MYO9B: variants seen among roughly 807,000 people sequenced by gnomAD.
MYO9B encodes the protein myosin IXB, also known as unconventional myosin-IXb.
MYO9B carries 71 observed loss-of-function variants against 229.5 expected under a neutral mutation model. The observed-to-expected ratio is 0.31, with a 90% CI of 0.26 to 0.38. The LOEUF (loss-of-function observed/expected upper bound fraction) is 0.38, where lower values mean the gene tolerates loss of function less well. Among genes scored for constraint, MYO9B ranks in the 10% least tolerant of loss-of-function variants. MYO9B has a pLI of 1.00. For missense variants in MYO9B, 2,255 were observed against 2,920.5 expected (o/e 0.77, Z 5.25); for synonymous variants, 1,185 against 1,235.8 (o/e 0.96, Z 0.86).
chr19:17,209,725 C>G lies in MYO9B; in HGVS notation c.5748+16C>G. 1.3e-6 allele frequency: 2 copies of G among 1,589,856 alleles called. No individual in the cohort carries two copies. Among genetic ancestry groups the G allele is most frequent in the Non-Finnish European group, 1.7e-6 (2 of 1,164,564 alleles). On this transcript the variant is annotated intron_variant, in intron 36 of 39. Coordinates refer to ENST00000682292, the MANE Select transcript of MYO9B (RefSeq NM_004145.4). ...ACAAAATGCTGTGAGTACCGGTGAT[C>G]GTGGGGGCGGGACCTCTTTGGTGGG... is the stretch of plus-strand genomic sequence containing the variant.
At chr19:17,167,114 C>T (rs1212531496) in intron 10 of MYO9B, among the ~76,000 whole-genome samples, 1 of 149,504 alleles carries the variant, frequency 6.7e-6, no homozygotes, top group Non-Finnish European at 1.5e-5. Flanking sequence ...GTTGAACATC[C>T]CAAATCTGAA....
chr19:17,133,150 T>G (rs1279288454), intron 2 of MYO9B, among the ~76,000 whole-genome samples: 2 of 152,142 alleles, frequency 1.3e-5, no homozygotes, highest in Admixed American at 1.3e-4. Context: ...CCGGCCTATT[T>G]TATTTCTAAT....
At chr19:17,132,178 C>CTTTTTTTTTTTTTTTT (rs60927116) in intron 2 of MYO9B, among the ~76,000 whole-genome samples, 6 of 78,424 alleles carry the variant, frequency 7.7e-5, no homozygotes, top group African/African-American at 1.1e-4. Context: ...TATTTTATTT[C>CTTTTTTTTTTTTTTTT]TTTTTTTTTT....
intron 1 of MYO9B, among the ~76,000 whole-genome samples, chr19:17,094,939 T>C (rs917395139): frequency 1.3e-5 from 2 of 150,608 alleles, no homozygotes; most frequent in Non-Finnish European, 3.0e-5. Flanking sequence ...TGAGATCCAG[T>C]CTCAAAAATA....
rs779000225 is a variant in MYO9B at position 17,209,728 on chromosome 19, G to C, written c.5748+19G>C. ...AAATGCTGTGAGTACCGGTGATCGT[G>C]GGGGCGGGACCTCTTTGGTGGGGCG... is the stretch of plus-strand genomic sequence containing the variant. On this transcript the variant is annotated intron_variant, in intron 36 of 39. Transcript: ENST00000682292. 1.1e-5 allele frequency: 18 copies of C among 1,610,240 alleles called. No individual in the cohort carries two copies. Among genetic ancestry groups the C allele is most frequent in the Non-Finnish European group, 1.5e-5 (18 of 1,179,444 alleles).
At chr19:17,134,707 C>T (rs1204706691) in intron 2 of MYO9B, among the ~76,000 whole-genome samples, 1 of 151,044 alleles carries the variant, frequency 6.6e-6, no homozygotes. Flanking sequence ...TTTTTTATGG[C>T]CAAATACTAT....
chr19:17,116,839 C>T (rs573324253), intron 2 of MYO9B, among the ~76,000 whole-genome samples: 1 of 152,222 alleles, frequency 6.6e-6, no homozygotes, highest in Non-Finnish European at 1.5e-5. Flanking sequence ...GTAGAAGGGG[C>T]ACCCCACCGC....
chr19:17,097,185 G>T (rs2057701322), intron 1 of MYO9B, among the ~76,000 whole-genome samples: 1 of 151,856 alleles, frequency 6.6e-6, no homozygotes, highest in Non-Finnish European at 1.5e-5. Context: ...GCCGGGCATG[G>T]TGGTGGGCCC....
intron 3 of MYO9B, among the ~76,000 whole-genome samples, chr19:17,148,123 A>G (rs1419340783): frequency 1.3e-5 from 2 of 152,058 alleles, no homozygotes; most frequent in African/African-American, 2.4e-5. Flanking sequence ...GCACGATCCT[A>G]TCTGCCACAT....
intron 7 of MYO9B, among the ~76,000 whole-genome samples, chr19:17,158,035 T>A (rs2072556288): frequency 6.6e-6 from 1 of 152,180 alleles, no homozygotes; most frequent in African/African-American, 2.4e-5. Context: ...ATACTCTGGG[T>A]TGCTCCTGGC....
chr19:17,155,434 G>A (rs2072526520), intron 6 of MYO9B, among the ~76,000 whole-genome samples: 1 of 152,100 alleles, frequency 6.6e-6, no homozygotes, highest in African/African-American at 2.4e-5. Flanking sequence ...ACCTGCGTAA[G>A]CCTCCCAGCA....
Position 17,200,822 on chromosome 19 carries a change from T to C in MYO9B, c.4556T>C (p.Leu1519Pro), listed in dbSNP as rs1430772648. 2 of 1,613,416 alleles carry C rather than the reference T, an allele frequency of 1.2e-6. No individual in the cohort carries two copies. The highest frequency in any genetic ancestry group is 1.7e-6 in the Non-Finnish European group (2 of 1,179,414). The change falls in exon 26 of 40, where the codon CTC becomes CCC. Residue 1519 changes from leucine (L) to proline (P), a missense_variant. Leu to Pro is a moderately conservative substitution (Grantham distance 98). Transcript: ENST00000682292. ...NELKYLDEFL[L>P]NKINDLRSQK... ...CTCAAGTACCTGGACGAGTTCCTGC[T>C]CAACAAGGTGGGATCACTAGGCGAG...
At chr19:17,097,253 G>A (rs1382863228) in intron 1 of MYO9B, among the ~76,000 whole-genome samples, 2 of 151,756 alleles carry the variant, frequency 1.3e-5, no homozygotes, top group East Asian at 3.9e-4. Flanking sequence ...CCCAACAGGC[G>A]GAGGTTGCAG....
In MYO9B at chr19:17,127,679, A is replaced by G. The variant is rs532489872; in HGVS notation, c.841-17718A>G. Among the ~76,000 whole-genome samples, 300 of 152,318 alleles carry G rather than the reference A, an allele frequency of 2.0e-3. 1 individual carries two copies. The highest frequency in any genetic ancestry group is 3.7e-3 in the Non-Finnish European group (254 of 68,018). On this transcript the variant is annotated intron_variant, in intron 2 of 39. Transcript: ENST00000682292. Reference sequence around the variant, plus strand: ...ACTGTCCCTAGAACGTAGGCTGTACAGTAATAGGTGGCTGGCCACACTTTG... The same window carrying G: ...ACTGTCCCTAGAACGTAGGCTGTACGGTAATAGGTGGCTGGCCACACTTTG...
In MYO9B at chr19:17,109,469, C is replaced by T. The variant is rs557638867; in HGVS notation, c.840+6912C>T. ...TCTAATCCCTCACGGCAGCTCTGCC[C>T]ATTTTAAAGATGAGGAAACTGAGCC... On this transcript the variant is annotated intron_variant, in intron 2 of 39. Coordinates refer to ENST00000682292, the MANE Select transcript of MYO9B (RefSeq NM_004145.4). 2.0e-5 allele frequency among the ~76,000 whole-genome samples: 3 copies of T among 152,284 alleles called. No homozygotes were observed. In the East Asian group the frequency reaches 5.8e-4, roughly 29 times the overall value.
At chr19:17,126,842 T>G (rs2072124259) in intron 2 of MYO9B, among the ~76,000 whole-genome samples, 1 of 146,496 alleles carries the variant, frequency 6.8e-6, no homozygotes, top group Non-Finnish European at 1.5e-5. Context: ...TTTTGTGCTT[T>G]TAATAGAGAC....
Position 17,213,126 on chromosome 19 carries a change from G to C in MYO9B, c.*816G>C, listed in dbSNP as rs183604490. 2 of 152,424 alleles carry C rather than the reference G, an allele frequency of 1.3e-5. No individual in the cohort carries two copies. The highest frequency in any genetic ancestry group is 3.9e-4 in the East Asian group (2 of 5,190). The allele number at this position is 152,424 out of a possible 1,614,324, so 9.4% of individuals were successfully genotyped here. On this transcript the variant is annotated 3_prime_UTR_variant, in exon 40 of 40. Transcript: ENST00000682292. ...CTCACGGGTCAGGAGGGCAACGCCT[G>C]AAGTCAGACCTCCCTATAGGTCAAC...
chr19:17,194,868 G>A lies in MYO9B; in HGVS notation c.3441G>A (p.Lys1147=). The change falls in exon 22 of 40, where the codon AAG becomes AAA. Residue 1147 remains lysine, a synonymous_variant. Transcript: ENST00000682292. Reference sequence around the variant, plus strand: ...AGAAAGTCCCCAGCAGCCGGGAGAAGCGTGAGTCGCGTCGGCAAAGAGGGC... The same window carrying A: ...AGAAAGTCCCCAGCAGCCGGGAGAAACGTGAGTCGCGTCGGCAAAGAGGGC... ...SHEKVPSSRE[K]RESRRQRGLE... is the part of the protein sequence containing the mutation. The A allele has an allele frequency of 6.2e-7, 1 of 1,613,326 alleles. No homozygotes were observed. The highest frequency in any genetic ancestry group is 8.5e-7 in the Non-Finnish European group (1 of 1,179,892).
At chr19:17,179,063 C>T (rs140013892) in intron 14 of MYO9B, among the ~76,000 whole-genome samples, 377 of 151,040 alleles carry the variant, frequency 2.5e-3, no homozygotes, top group African/African-American at 8.8e-3. Flanking sequence ...GGTTTCTCAA[C>T]CTCAGCACTG....
Sources: gnomAD v4.1 joint callset for allele counts (sites outside exome capture counted in the v4.1 genomes callset) on GRCh38, gnomAD v4.1.1 for gene constraint, MANE v1.5 for transcripts, NCBI Gene and HGNC (gene_info 2026-07-23, HGNC 2026-07-21) for gene names.